The following DMXL2 variants were observed in gnomAD, a reference collection of about 807,000 sequenced individuals.
The protein encoded by DMXL2 is dmX-like protein 2.
DMXL2 carries 103 observed loss-of-function variants against 331.1 expected under a neutral mutation model. The ratio of observed to expected loss-of-function variants is 0.31; its 90% CI spans 0.27 to 0.37. The LOEUF (loss-of-function observed/expected upper bound fraction) is 0.37. Among genes scored for constraint, DMXL2 ranks in the 10% least tolerant of loss-of-function variants. The pLI is 1.00. For missense variants in DMXL2, 3,171 were observed against 3,642.9 expected, an observed-to-expected ratio of 0.87 and a Z score of 3.33; for synonymous variants, 1,281 against 1,252.1, an observed-to-expected ratio of 1.02 and a Z score of -0.49.
At chr15:51,569,916 G>C (rs896738206) in intron 2 of DMXL2, among the ~76,000 whole-genome samples, 7 of 152,034 alleles carry the variant, frequency 4.6e-5, no homozygotes, top group Non-Finnish European at 7.4e-5. Flanking sequence ...CGCCAGCAAG[G>C]GAACAAAACT....
chr15:51,504,285 G>A (rs1323773170), intron 16 of DMXL2, among the ~76,000 whole-genome samples: 1 of 152,280 alleles, frequency 6.6e-6, no homozygotes, highest in Non-Finnish European at 1.5e-5. Context: ...TAATTAGCTA[G>A]GGGCAAAGAA....
chr15:51,498,814 C>A lies in DMXL2; in HGVS notation c.4410G>T (p.Glu1470Asp). Reference sequence around the variant, plus strand: ...TTGGTATATCCTGGATTTGAAACAGCTCTGAATACTGATCCTCTGGTTGAC... The same window carrying A: ...TTGGTATATCCTGGATTTGAAACAGATCTGAATACTGATCCTCTGGTTGAC... ...TVSQPEDQYS[E>D]LFQIQDIPTD... The change falls in exon 18 of 44, where the codon GAG becomes GAT. Residue 1470 changes from glutamate (E) to aspartate (D), a missense_variant. Transcript: ENST00000560891. 6.2e-7 allele frequency: 1 copy of A among 1,614,198 alleles called. No individual in the cohort carries two copies. Among genetic ancestry groups the A allele is most frequent in the Non-Finnish European group, 8.5e-7 (1 of 1,180,034 alleles).
intron 15 of DMXL2, among the ~76,000 whole-genome samples, chr15:51,512,684 C>T (rs552903164): frequency 1.3e-5 from 2 of 151,946 alleles, no homozygotes; most frequent in East Asian, 3.9e-4. Context: ...GGCTTACAGC[C>T]GAGTAGCTGT....
At chr15:51,492,420 T>G (rs1270690919) in intron 19 of DMXL2, among the ~76,000 whole-genome samples, 1 of 152,232 alleles carries the variant, frequency 6.6e-6, no homozygotes, top group Non-Finnish European at 1.5e-5. Context: ...CTGCTTTTAG[T>G]GCCTTCAGTT....
At chr15:51,581,647 T>C (rs1362079481) in intron 1 of DMXL2, among the ~76,000 whole-genome samples, 2 of 152,214 alleles carry the variant, frequency 1.3e-5, no homozygotes, top group African/African-American at 2.4e-5. Context: ...ACAAACACTG[T>C]TCTAATTTCT....
At chr15:51,610,506 C>G (rs1198033562) in intron 1 of DMXL2, among the ~76,000 whole-genome samples, 2 of 152,156 alleles carry the variant, frequency 1.3e-5, no homozygotes, top group African/African-American at 4.8e-5. Flanking sequence ...CGGTGGCTCA[C>G]GCCTGTAATC....
chr15:51,566,233 GTGTGTGTGTGTGTGT>G (rs1567126649), intron 3 of DMXL2, among the ~76,000 whole-genome samples: 109 of 14,596 alleles, frequency 7.5e-3, no homozygotes, highest in Middle Eastern at 0.029. Context: ...TGTGTGTGGG[GTGTGTGTGTGTGTGT>G]GTGTGTGTGT....
chr15:51,487,183 C>G (rs918062848), intron 22 of DMXL2, among the ~76,000 whole-genome samples: 1 of 151,984 alleles, frequency 6.6e-6, no homozygotes, highest in African/African-American at 2.4e-5. Flanking sequence ...GAAGTTTTAC[C>G]TCCTCACATC....
chr15:51,515,117 A>G (rs1184846612), intron 14 of DMXL2, among the ~76,000 whole-genome samples: 2 of 152,164 alleles, frequency 1.3e-5, no homozygotes, highest in African/African-American at 4.8e-5. Flanking sequence ...CTAGAGAACT[A>G]AACTTACACA....
chr15:51,566,343 CTA>C (rs1316637166), intron 3 of DMXL2, among the ~76,000 whole-genome samples: 3 of 151,392 alleles, frequency 2.0e-5, no homozygotes, highest in African/African-American at 7.3e-5. Flanking sequence ...AGAGAAAATG[CTA>C]TTTTTAAACC....
At chr15:51,572,672 C>T (rs1018096783) in intron 2 of DMXL2, among the ~76,000 whole-genome samples, 1 of 152,078 alleles carries the variant, frequency 6.6e-6, no homozygotes, top group African/African-American at 2.4e-5. Context: ...TAAAGAGAAC[C>T]GATGACAAAA....
intron 13 of DMXL2, among the ~76,000 whole-genome samples, chr15:51,519,649 T>G (rs1036313805): frequency 9.5e-5 from 14 of 146,676 alleles, no homozygotes; most frequent in South Asian, 4.5e-4. Flanking sequence ...TTTTTTTTTT[T>G]TTTTTTTTTT....
chr15:51,615,739 C>G (rs944133879), intron 1 of DMXL2, among the ~76,000 whole-genome samples: 2 of 152,138 alleles, frequency 1.3e-5, no homozygotes. Flanking sequence ...CTGATTAGAT[C>G]CTCTTAAGTG....
chr15:51,540,491 G>C (rs1175213871), intron 9 of DMXL2, among the ~76,000 whole-genome samples: 2 of 151,830 alleles, frequency 1.3e-5, no homozygotes. Context: ...CAAAAATAAG[G>C]GAAGAGGCAG....
chr15:51,589,275 C>T (rs1223671658), intron 1 of DMXL2, among the ~76,000 whole-genome samples: 1 of 152,142 alleles, frequency 6.6e-6, no homozygotes, highest in Non-Finnish European at 1.5e-5. Flanking sequence ...GTTTCAGAAG[C>T]AAATAGATCA....
At position 51,610,311 on chromosome 15, in the gene DMXL2, T is replaced by A. The variant is rs917628288; in HGVS notation, c.87+12148A>T. On this transcript the variant is annotated intron_variant, in intron 1 of 43. Coordinates refer to ENST00000560891, the MANE Select transcript of DMXL2 (RefSeq NM_001378457.1). ...AAACCACAAGATAGGAATAAATGCA[T>A]ATTTATAGTAGATTTTAACACATCT... 3.3e-5 allele frequency among the ~76,000 whole-genome samples: 5 copies of A among 152,194 alleles called. 1 individual carries two copies. Among genetic ancestry groups the A allele is most frequent in the African/African-American group, 1.2e-4 (5 of 41,448 alleles).
At chr15:51,496,830 T>C (rs1006941438) in intron 18 of DMXL2, among the ~76,000 whole-genome samples, 7 of 152,168 alleles carry the variant, frequency 4.6e-5, no homozygotes, top group African/African-American at 1.7e-4. Context: ...CCTGAACAAA[T>C]GGAAGAACTC....
At chr15:51,525,893 A>T (rs1422020644) in intron 13 of DMXL2, among the ~76,000 whole-genome samples, 1 of 152,096 alleles carries the variant, frequency 6.6e-6, no homozygotes, top group African/African-American at 2.4e-5. Flanking sequence ...AGGGAAGGAC[A>T]CAGGCCCGGC....
chr15:51,539,771 C>A (rs903011189), intron 9 of DMXL2, among the ~76,000 whole-genome samples: 2 of 152,076 alleles, frequency 1.3e-5, no homozygotes, highest in Non-Finnish European at 2.9e-5. Flanking sequence ...GGTGACACAG[C>A]AAGACCCTGT....
Sources: allele counts gnomAD v4.1 joint callset (sites outside exome capture counted in the v4.1 genomes callset), GRCh38; gene constraint gnomAD v4.1.1; transcripts MANE v1.5; gene names NCBI Gene and HGNC (gene_info 2026-07-23, HGNC 2026-07-21).